The following COL6A1 variants were observed in gnomAD, a reference collection of about 807,000 sequenced individuals.
COL6A1 encodes the protein collagen alpha-1(VI) chain.
A neutral mutation model predicts 145.6 loss-of-function variants in COL6A1; 80 were observed. The observed-to-expected ratio is 0.55, with a 90% confidence interval of 0.46 to 0.66. COL6A1 has a LOEUF of 0.66. COL6A1 is among the 30% of genes least tolerant of loss of function. The probability of loss-of-function intolerance (pLI) is 0.00; values close to 1 mark genes in which losing one functional copy is unlikely to be tolerated. For missense variants in COL6A1, 1,364 were observed against 1,473.8 expected, an observed-to-expected ratio of 0.93 and a Z score of 1.22; for synonymous variants, 638 against 622.8, an observed-to-expected ratio of 1.02 and a Z score of -0.36.
intron 29 of COL6A1, 133 bp downstream of exon 29, chr21:46,000,900 CCTCT>C: frequency 8.7e-7 from 1 of 1,144,346 alleles, no homozygotes; most frequent in African/African-American, 1.5e-5. Flanking sequence ...CTGCCCGCCC[CCTCT>C]GGGGCCTGCT....
intron 31 of COL6A1, 62 bp from the exon 32 acceptor site, chr21:46,002,156 G>A: frequency 6.4e-7 from 1 of 1,574,238 alleles, no homozygotes; most frequent in Non-Finnish European, 8.6e-7. Context: ...CCTGATCCCA[G>A]GTGGGCTCGG....
At chr21:45,990,556 A>C (rs2077770576) in intron 13 of COL6A1, 134 bp downstream of exon 13, 2 of 538,840 alleles carry the variant, frequency 3.7e-6, no homozygotes, top group Non-Finnish European at 6.6e-6. Flanking sequence ...CAGGGGAAGG[A>C]CGGGGAGGGA....
rs181962444 is a variant in COL6A1, at chr21:45,998,677, C to T, written c.1612-220C>T. On this transcript the variant is annotated intron_variant, in intron 24 of 34. Coordinates refer to ENST00000361866, the MANE Select transcript of COL6A1 (RefSeq NM_001848.3). ...CTCACGGCCCTGACTGCCCGGTGAC[C>T]GATCTCCCCTCGGTGCGCAGGGCAG... Among the ~76,000 whole-genome samples, 505 of 152,324 alleles carry T rather than the reference C, an allele frequency of 3.3e-3. 2 individuals are homozygous for T. The highest frequency in any genetic ancestry group is 5.2e-3 in the Admixed American group (80 of 15,310).
rs1569518725 is a variant in COL6A1, at chr21:45,998,395, CAG to C, written c.1576-2_1576-1del. 2.5e-6 allele frequency: 4 copies of C among 1,613,264 alleles called. No individual in the cohort carries two copies. The highest frequency in any genetic ancestry group is 1.3e-5 in the African/African-American group (1 of 75,052). On this transcript the variant is annotated splice_acceptor_variant, in intron 23 of 34. Coordinates refer to ENST00000361866, the MANE Select transcript of COL6A1 (RefSeq NM_001848.3). LOFTEE classifies it high-confidence loss of function. ...GTATCACTGCCCTGCTTTTCCATGA[CAG>C]GGGTATCCGGGCAACAGGGGCGCTC... is the stretch of plus-strand genomic sequence containing the variant.
intron 27 of COL6A1, 111 bp downstream of exon 27, chr21:45,999,803 G>A: frequency 3.4e-6 from 3 of 884,032 alleles, no homozygotes; most frequent in African/African-American, 1.8e-5. Context: ...GGGGGGGTGG[G>A]TTGTGGACAA....
intron 8 of COL6A1, 131 bp from the exon 9 acceptor site, chr21:45,988,953 G>C: frequency 9.6e-7 from 1 of 1,042,808 alleles, no homozygotes; most frequent in Non-Finnish European, 1.4e-6. Context: ...GACCAGATGT[G>C]ATGGGGAAGG....
intron 20 of COL6A1, among the ~76,000 whole-genome samples, chr21:45,995,707 A>T (rs1033611213): frequency 4.6e-5 from 7 of 152,140 alleles, no homozygotes; most frequent in African/African-American, 1.7e-4. Context: ...GGTGGGTCCC[A>T]TGCCTGGGGG....
intron 19 of COL6A1, among the ~76,000 whole-genome samples, chr21:45,993,748 G>A (rs1272031321): frequency 6.6e-6 from 1 of 152,216 alleles, no homozygotes; most frequent in African/African-American, 2.4e-5. Flanking sequence ...TAGTGACTCA[G>A]ACTGCCTTCT....
intron 21 of COL6A1, 83 bp downstream of exon 21, chr21:45,997,566 G>A (rs887984726): frequency 2.7e-5 from 41 of 1,518,078 alleles, no homozygotes; most frequent in Admixed American, 6.9e-5. Flanking sequence ...TGCTGGCCCC[G>A]TGCCCTCTGA....
At chr21:45,989,847 C>G (rs1202889189) in intron 11 of COL6A1, 69 bp downstream of exon 11, 1 of 1,594,766 alleles carries the variant, frequency 6.3e-7, no homozygotes, top group African/African-American at 1.3e-5. Flanking sequence ...GAGGGTGTCC[C>G]CGGGGATGAG....
In COL6A1 at chr21:45,981,867, C is replaced by G; in HGVS notation, c.17C>G (p.Ala6Gly). The change falls in exon 1 of 35, where the codon GCT becomes GGT. Residue 6 changes from alanine (A) to glycine (G), a missense_variant. Transcript: ENST00000361866. ...GCCCCAGACATGAGGGCGGCCCGTGCTCTGCTGCCCCTGCTGCTGCAGGCC... is the reference window on the plus strand; with the variant it reads ...GCCCCAGACATGAGGGCGGCCCGTGGTCTGCTGCCCCTGCTGCTGCAGGCC... MRAAR[A>G]LLPLLLQACW... 6 of 1,594,882 alleles carry G rather than the reference C, an allele frequency of 3.8e-6. No individual in the cohort carries two copies. Among genetic ancestry groups the G allele is most frequent in the Non-Finnish European group, 5.1e-6 (6 of 1,173,034 alleles).
intron 15 of COL6A1, 148 bp from the exon 16 acceptor site, chr21:45,991,862 T>A: frequency 1.3e-6 from 1 of 754,472 alleles, no homozygotes; most frequent in South Asian, 1.7e-5. Flanking sequence ...TGTGGATGGC[T>A]GAGGGTGCTG....
intron 20 of COL6A1, among the ~76,000 whole-genome samples, chr21:45,995,352 G>A (rs1342320149): frequency 1.3e-5 from 2 of 152,226 alleles, no homozygotes; most frequent in Non-Finnish European, 2.9e-5. Context: ...CTCCCATGTG[G>A]TCACCCAGGA....
intron 3 of COL6A1, 98 bp downstream of exon 3, chr21:45,984,567 G>A (rs908881324): frequency 1.7e-6 from 2 of 1,171,612 alleles, no homozygotes; most frequent in African/African-American, 1.5e-5. Context: ...TTCAGCTGCA[G>A]CCTCCCTGTT....
rs142905348 is a variant in COL6A1 at position 46,004,900 on chromosome 21, C to T, written c.*887C>T. 2.3e-3 allele frequency: 373 copies of T among 163,878 alleles called. 1 individual carries two copies. The highest frequency in any genetic ancestry group is 0.022 in the East Asian group (124 of 5,552). 10.2% of individuals were successfully genotyped at this position (163,878 alleles called of 1,614,324 possible). ...GAGGGCTGTGTCTTACTAGAAACAA[C>T]GCAAACCTCTCCTTCCTCAGAATAG... On this transcript the variant is annotated 3_prime_UTR_variant, in exon 35 of 35. Coordinates refer to ENST00000361866, the MANE Select transcript of COL6A1 (RefSeq NM_001848.3).
chr21:46,003,001 C>A, intron 33 of COL6A1, 119 bp from the exon 34 acceptor site: 3 of 1,450,378 alleles, frequency 2.1e-6, no homozygotes, highest in Non-Finnish European at 2.9e-6. Context: ...CCTCCCGGCT[C>A]GCTGTGACTT....
chr21:45,993,305 A>T (rs924029392), intron 19 of COL6A1, among the ~76,000 whole-genome samples: 1 of 152,182 alleles, frequency 6.6e-6, no homozygotes, highest in African/African-American at 2.4e-5. Context: ...GCCCAGCCTC[A>T]GGGTGCAGAA....
Position 45,997,439 on chromosome 21 carries a change from G to A in COL6A1, c.1417G>A (p.Gly473Arg), listed in dbSNP as rs766667205. ...TCTACAGGGCGAGGCTGGCCCTATC[G>A]GACCTAAAGGCTACCGAGGCGATGA... Reference protein sequence around the residue: ...PGDPGEAGPIGPKGYRGDEGP... With the variant: ...PGDPGEAGPIRPKGYRGDEGP... The change falls in exon 21 of 35, where the codon GGA (glycine) becomes AGA (arginine). Residue 473 changes from glycine (G) to arginine (R), a missense_variant. By Grantham distance (125) the Gly-to-Arg change is moderately radical (BLOSUM62 -2). Transcript: ENST00000361866. 2.5e-6 allele frequency: 4 copies of A among 1,612,822 alleles called. No homozygotes were observed. Among genetic ancestry groups the A allele is most frequent in the South Asian group, 1.1e-5 (1 of 91,092 alleles).
intron 28 of COL6A1, 91 bp from the exon 29 acceptor site, chr21:46,000,668 G>GGCGGGGAGGCCGGGGAA: frequency 2.7e-5 from 1 of 37,474 alleles, no homozygotes. Context: ...CGGCCGGGGA[G>GGCGGGGAGGCCGGGGAA]GCGGGGAGGC....
Sources: gnomAD v4.1 joint callset for allele counts (sites outside exome capture counted in the v4.1 genomes callset) on GRCh38, gnomAD v4.1.1 for gene constraint, MANE v1.5 for transcripts, NCBI Gene and HGNC (gene_info 2026-07-23, HGNC 2026-07-21) for gene names.